CALN1: variants seen among roughly 807,000 people sequenced by gnomAD.
CALN1 encodes the protein calcium-binding protein 8.
Under a neutral mutation model 30.6 loss-of-function variants are expected in CALN1, and 17 were observed. That is an observed-to-expected ratio of 0.56 (90% confidence interval 0.38 to 0.83). The LOEUF is 0.83. Ranked by LOEUF, CALN1 falls within the 40% of genes least tolerant of loss-of-function variation. The probability of loss-of-function intolerance (pLI) is 0.00; values close to 1 mark genes in which losing one functional copy is unlikely to be tolerated. For missense variants in CALN1, 291 were observed against 354.9 expected, an observed-to-expected ratio of 0.82 and a Z score of 1.45; for synonymous variants, 156 against 131.4, an observed-to-expected ratio of 1.19 and a Z score of -1.28.
chr7:72,302,427 G>A (rs1799335735), intron 2 of CALN1, among the ~76,000 whole-genome samples: 1 of 152,124 alleles, frequency 6.6e-6, no homozygotes, highest in South Asian at 2.1e-4. Flanking sequence ...GGAGCAAGTG[G>A]TCTGGACATC....
intron 5 of CALN1, among the ~76,000 whole-genome samples, chr7:71,823,940 C>T (rs1788756764): frequency 6.6e-6 from 1 of 152,078 alleles, no homozygotes; most frequent in African/African-American, 2.4e-5. Flanking sequence ...TCGCGTGAGA[C>T]TTACTCACTA....
intron 4 of CALN1, among the ~76,000 whole-genome samples, chr7:72,064,320 T>TA (rs1803874377): frequency 6.6e-6 from 1 of 151,484 alleles, no homozygotes; most frequent in African/African-American, 2.4e-5. Context: ...TAAGTAAAAA[T>TA]AAAAATGAAA....
chr7:72,232,459 T>A (rs1458230482), intron 3 of CALN1, among the ~76,000 whole-genome samples: 9 of 150,656 alleles, frequency 6.0e-5, no homozygotes, highest in African/African-American at 2.2e-4. Context: ...TCAAAAAAAT[T>A]TTTTTTTAAT....
chr7:71,870,962 A>G (rs111697117), intron 5 of CALN1, among the ~76,000 whole-genome samples: 2,027 of 152,248 alleles, frequency 0.013, 44 homozygotes, highest in African/African-American at 0.044. Flanking sequence ...TGTTTTCTAC[A>G]TATTCAGTTT....
At position 71,788,283 on chromosome 7, in the gene CALN1, T is replaced by G. The variant is rs147798222; in HGVS notation, c.659-381A>C. On this transcript the variant is annotated intron_variant, in intron 6 of 6. Coordinates refer to ENST00000395275, the MANE Select transcript of CALN1 (RefSeq NM_031468.4). ...ATCCAGTGACTGCTGTATCCATTTC[T>G]GCAGCTGATACAAACAGAGTGGAAG... is the stretch of plus-strand genomic sequence containing the variant. Among the ~76,000 whole-genome samples the G allele has an allele frequency of 4.3e-3, 655 of 152,240 alleles. 3 individuals carry two copies. Among genetic ancestry groups the G allele is most frequent in the African/African-American group, 0.014 (580 of 41,522 alleles).
At chr7:72,287,898 GTTA>G (rs1798199954) in intron 2 of CALN1, among the ~76,000 whole-genome samples, 1 of 151,904 alleles carries the variant, frequency 6.6e-6, no homozygotes, top group South Asian at 2.1e-4. Context: ...ATACTACCTG[GTTA>G]TTGAGTATGC....
rs554824161 is a variant in CALN1 at position 72,033,960 on chromosome 7, C to CA, written c.389-10192dup. Among the ~76,000 whole-genome samples the CA allele has an allele frequency of 3.7e-3, 563 of 152,158 alleles. 4 individuals are homozygous for CA. Among genetic ancestry groups the CA allele is most frequent in the African/African-American group, 0.013 (537 of 41,522 alleles). ...GTCTGGATAAAAGAAAAGGGCATTT[C>CA]AGATGGAACTAACGAGACATGGCAA... On this transcript the variant is annotated intron_variant, in intron 4 of 6. Coordinates refer to ENST00000395275, the MANE Select transcript of CALN1 (RefSeq NM_031468.4).
intron 5 of CALN1, among the ~76,000 whole-genome samples, chr7:71,950,343 C>T (rs1003222215): frequency 6.6e-6 from 1 of 152,180 alleles, no homozygotes; most frequent in African/African-American, 2.4e-5. Context: ...AGGTCACCCA[C>T]AGATACATGG....
At chr7:72,426,699 C>T (rs1378766428) in intron 1 of CALN1, among the ~76,000 whole-genome samples, 1 of 152,242 alleles carries the variant, frequency 6.6e-6, no homozygotes, top group African/African-American at 2.4e-5. Context: ...CCAGGCAGGG[C>T]TGTTCTGCTG....
intron 2 of CALN1, among the ~76,000 whole-genome samples, chr7:72,281,777 G>A (rs145034584): frequency 6.6e-6 from 1 of 152,184 alleles, no homozygotes; most frequent in East Asian, 1.9e-4. Flanking sequence ...CTGCAGCTTT[G>A]GATTCACTAC....
At chr7:71,797,339 G>A (rs1360553324) in intron 6 of CALN1, among the ~76,000 whole-genome samples, 2 of 152,080 alleles carry the variant, frequency 1.3e-5, no homozygotes, top group Non-Finnish European at 2.9e-5. Context: ...ACCAGGTCTG[G>A]GAGCTATTTT....
intron 3 of CALN1, among the ~76,000 whole-genome samples, chr7:72,146,503 G>C (rs1786742356): frequency 6.6e-6 from 1 of 152,110 alleles, no homozygotes; most frequent in African/African-American, 2.4e-5. Context: ...CCATGCTCAT[G>C]GATAGGAAGA....
At chr7:72,123,042 AAG>A (rs1240724350) in intron 3 of CALN1, among the ~76,000 whole-genome samples, 2 of 152,168 alleles carry the variant, frequency 1.3e-5, no homozygotes, top group Non-Finnish European at 2.9e-5. Flanking sequence ...CTGCATAGCC[AAG>A]AGAGAATTCA....
chr7:71,931,681 G>C (rs1795560920), intron 5 of CALN1, among the ~76,000 whole-genome samples: 1 of 152,234 alleles, frequency 6.6e-6, no homozygotes, highest in Non-Finnish European at 1.5e-5. Flanking sequence ...TTCTTTCAAA[G>C]CCGTTGCTAC....
rs1793058415 is a variant in CALN1 at position 71,787,753 on chromosome 7, CAG to C, written c.*20_*21del. ...TGCACATGCGCGGTGAGCTGCAACA[CAG>C]TGTGGCTGGCGGGAGGCTGCTACTC... On this transcript the variant is annotated 3_prime_UTR_variant, in exon 7 of 7. Coordinates refer to ENST00000395275, the MANE Select transcript of CALN1 (RefSeq NM_031468.4). 2 of 1,613,016 alleles carry C rather than the reference CAG, an allele frequency of 1.2e-6. No homozygotes were observed. The highest frequency in any genetic ancestry group is 1.3e-5 in the African/African-American group (1 of 75,040).
At chr7:72,180,339 G>T (rs1789674754) in intron 3 of CALN1, among the ~76,000 whole-genome samples, 1 of 152,120 alleles carries the variant, frequency 6.6e-6, no homozygotes, top group South Asian at 2.1e-4. Context: ...AGCAGGTTCA[G>T]GGGGTGACAG....
At chr7:71,823,104 T>C (rs1405117476) in intron 5 of CALN1, among the ~76,000 whole-genome samples, 1 of 152,172 alleles carries the variant, frequency 6.6e-6, no homozygotes, top group Admixed American at 6.5e-5. Context: ...TATTCTGACA[T>C]AAAATTCTAG....
intron 1 of CALN1, among the ~76,000 whole-genome samples, chr7:72,443,609 T>C (rs541068039): frequency 6.6e-6 from 1 of 152,102 alleles, no homozygotes; most frequent in Admixed American, 6.5e-5. Flanking sequence ...GGGACTCAGT[T>C]TGGGGATCAT....
At chr7:72,113,607 C>T (rs1807727965) in intron 3 of CALN1, among the ~76,000 whole-genome samples, 1 of 152,218 alleles carries the variant, frequency 6.6e-6, no homozygotes, top group Non-Finnish European at 1.5e-5. Flanking sequence ...AAGCCTAGCT[C>T]ACCACCTTCT....
Sources: allele counts gnomAD v4.1 joint callset (sites outside exome capture counted in the v4.1 genomes callset), GRCh38; gene constraint gnomAD v4.1.1; transcripts MANE v1.5; gene names NCBI Gene and HGNC (gene_info 2026-07-23, HGNC 2026-07-21).